Variants in FRMD3 observed in about 807,000 individuals in gnomAD.
FRMD3 encodes FERM domain-containing protein 3.
In FRMD3, 33 loss-of-function variants were observed where a neutral mutation model predicts 70.2. That is an observed-to-expected ratio of 0.47 (90% CI 0.36 to 0.63). FRMD3 has a LOEUF of 0.63. Among genes scored for constraint, FRMD3 ranks in the 20% least tolerant of loss-of-function variants. The probability of loss-of-function intolerance (pLI) is 0.00; values close to 1 mark genes in which losing one functional copy is unlikely to be tolerated. For synonymous variants in FRMD3, 279 were observed against 255.9 expected (o/e 1.09, Z -0.86); for missense variants, 632 against 711.4 (o/e 0.89, Z 1.27).
intron 1 of FRMD3, among the ~76,000 whole-genome samples, chr9:83,479,676 GAAAGAAA>G (rs1160492021): frequency 7.4e-4 from 36 of 48,804 alleles, no homozygotes; most frequent in Middle Eastern, 8.8e-3. Flanking sequence ...AGGAAGGAAA[GAAAGAAA>G]GAAAGAAAGA....
intron 1 of FRMD3, among the ~76,000 whole-genome samples, chr9:83,441,163 C>A (rs577128267): frequency 3.3e-5 from 5 of 152,318 alleles, no homozygotes; most frequent in African/African-American, 1.2e-4. Context: ...TATGCGGCTA[C>A]TGAGCTGTGA....
intron 3 of FRMD3, among the ~76,000 whole-genome samples, chr9:83,368,748 T>G (rs1824872131): frequency 6.6e-6 from 1 of 152,356 alleles, no homozygotes; most frequent in East Asian, 1.9e-4. Context: ...ATTAGATTTT[T>G]TGTAACATTT....
chr9:83,392,078 G>C (rs75811803), intron 1 of FRMD3, among the ~76,000 whole-genome samples: 1 of 137,912 alleles, frequency 7.3e-6, no homozygotes, highest in Non-Finnish European at 1.6e-5. Flanking sequence ...CCACCACAAA[G>C]AAAAAAAAAA....
the FRMD3 span, among the ~76,000 whole-genome samples, chr9:83,580,541 T>C: frequency 6.6e-6 from 1 of 152,094 alleles, no homozygotes; most frequent in Non-Finnish European, 1.5e-5. Context: ...TGATCTCACT[T>C]ATATATGGAA....
chr9:83,531,849 C>T (rs1321308643), intron 1 of FRMD3, among the ~76,000 whole-genome samples: 1 of 152,180 alleles, frequency 6.6e-6, no homozygotes, highest in Non-Finnish European at 1.5e-5. Context: ...ATCTCAACAA[C>T]ACAGTGGAGA....
intron 1 of FRMD3, among the ~76,000 whole-genome samples, chr9:83,431,166 A>G (rs1826964824): frequency 6.6e-6 from 1 of 152,224 alleles, no homozygotes; most frequent in South Asian, 2.1e-4. Flanking sequence ...GGGAATGTCC[A>G]ATAGCGTGGA....
chr9:83,436,729 A>T (rs2131385681), intron 1 of FRMD3, among the ~76,000 whole-genome samples: 1 of 151,710 alleles, frequency 6.6e-6, no homozygotes, highest in South Asian at 2.1e-4. Context: ...CATTCCATTT[A>T]AAGATATACA....
the FRMD3 span, among the ~76,000 whole-genome samples, chr9:83,548,792 A>G: frequency 1.3e-5 from 2 of 152,262 alleles, no homozygotes; most frequent in East Asian, 3.9e-4. Flanking sequence ...CACTAATGCA[A>G]GGTGTTAAAA....
intron 1 of FRMD3, among the ~76,000 whole-genome samples, chr9:83,414,045 C>A (rs1826354237): frequency 6.6e-6 from 1 of 151,998 alleles, no homozygotes; most frequent in African/African-American, 2.4e-5. Flanking sequence ...CACTTGTGTT[C>A]AAATAAAATT....
chr9:83,491,743 G>C (rs1017768948), intron 1 of FRMD3, among the ~76,000 whole-genome samples: 1 of 152,212 alleles, frequency 6.6e-6, no homozygotes, highest in Admixed American at 6.5e-5. Context: ...TGGTAGGAAA[G>C]GGATTATGTT....
At chr9:83,279,220 T>C (rs541075047) in intron 13 of FRMD3, 22 of 152,298 alleles carry the variant, frequency 1.4e-4, no homozygotes, top group Admixed American at 7.2e-4. Context: ...AAGTTCCCAA[T>C]TGGATGCCTC....
chr9:83,347,296 A>ATTT (rs143564538), intron 4 of FRMD3, among the ~76,000 whole-genome samples: 1 of 151,908 alleles, frequency 6.6e-6, no homozygotes, highest in South Asian at 2.1e-4. Context: ...AAGGATGCTC[A>ATTT]TTTTTTTTAT....
At chr9:83,506,676 A>G (rs1420604648) in intron 1 of FRMD3, among the ~76,000 whole-genome samples, 2 of 152,174 alleles carry the variant, frequency 1.3e-5, no homozygotes, top group African/African-American at 4.8e-5. Context: ...CTTTATAAAC[A>G]CTGTACACTT....
chr9:83,580,614 T>C, the FRMD3 span, among the ~76,000 whole-genome samples: 4 of 151,984 alleles, frequency 2.6e-5, no homozygotes, highest in Admixed American at 6.6e-5. Flanking sequence ...CCTGGGAGTA[T>C]GGGGATCAAG....
chr9:83,463,245 C>A lies in FRMD3; in HGVS notation c.148-73537G>T, dbSNP rs1026998060. 5.9e-5 allele frequency among the ~76,000 whole-genome samples: 9 copies of A among 152,260 alleles called. 1 individual carries two copies. Among genetic ancestry groups the A allele is most frequent in the African/African-American group, 2.2e-4 (9 of 41,544 alleles). On this transcript the variant is annotated intron_variant, in intron 1 of 13. Transcript: ENST00000304195. The stretch of plus-strand genomic sequence containing the variant: ...TTCCTTGTTGGTAAAACAATAGTTT[C>A]TCCCTGTCTCTCAAAATAATAATGA...
intron 1 of FRMD3, among the ~76,000 whole-genome samples, chr9:83,535,811 C>T (rs1208517703): frequency 6.6e-6 from 1 of 152,052 alleles, no homozygotes; most frequent in Non-Finnish European, 1.5e-5. Context: ...GAGAGGGTGA[C>T]ATTCTGTGAC....
At chr9:83,323,956 G>C (rs539278042) in intron 6 of FRMD3, among the ~76,000 whole-genome samples, 2 of 152,308 alleles carry the variant, frequency 1.3e-5, no homozygotes, top group East Asian at 3.9e-4. Context: ...TTACACTAGG[G>C]AGTCCTGTAC....
Position 83,343,296 on chromosome 9 carries a change from C to T in FRMD3, c.375-9G>A, listed in dbSNP as rs767496527. 1.3e-6 allele frequency: 2 copies of T among 1,584,224 alleles called. No individual in the cohort carries two copies. The highest frequency in any genetic ancestry group is 4.5e-5 in the East Asian group (2 of 44,762). ...GAAGGTATAAAAGGTATCTGCAATACAAAAGGAGAAATGGTCACTCTAACT... is the reference window on the plus strand; with the variant it reads ...GAAGGTATAAAAGGTATCTGCAATATAAAAGGAGAAATGGTCACTCTAACT... On this transcript the variant is annotated splice_polypyrimidine_tract_variant and intron_variant, in intron 4 of 13. Transcript: ENST00000304195.
At chr9:83,284,077 T>A (rs1041768826) in intron 13 of FRMD3, among the ~76,000 whole-genome samples, 20 of 150,852 alleles carry the variant, frequency 1.3e-4, no homozygotes, top group Admixed American at 5.3e-4. Flanking sequence ...TTTTTTTTTT[T>A]TTTTTTTGCT....
Sources: allele counts gnomAD v4.1 joint callset (sites outside exome capture counted in the v4.1 genomes callset), GRCh38; gene constraint gnomAD v4.1.1; transcripts MANE v1.5; gene names NCBI Gene and HGNC (gene_info 2026-07-23, HGNC 2026-07-21).